SNTB1: variants seen among roughly 807,000 people sequenced by gnomAD.
SNTB1 encodes the protein syntrophin beta 1.
Under a neutral mutation model 48.9 loss-of-function variants are expected in SNTB1, and 36 were observed. The observed-to-expected ratio is 0.74, with a 90% CI of 0.56 to 0.97. The LOEUF (loss-of-function observed/expected upper bound fraction) is 0.97. SNTB1 is among the 50% of genes least tolerant of loss of function. The pLI is 0.00. For synonymous variants in SNTB1, 299 were observed against 294.6 expected (o/e 1.01, Z -0.15); for missense variants, 786 against 703.4 (o/e 1.12, Z -1.33).
At chr8:120,764,036 G>A (rs1819474063) in intron 1 of SNTB1, among the ~76,000 whole-genome samples, 1 of 152,140 alleles carries the variant, frequency 6.6e-6, no homozygotes, top group Non-Finnish European at 1.5e-5. Context: ...TGTTCTCAAA[G>A]TCATAAGGTC....
At chr8:120,543,213 A>G (rs1227448098) in intron 5 of SNTB1, among the ~76,000 whole-genome samples, 1 of 152,202 alleles carries the variant, frequency 6.6e-6, no homozygotes, top group African/African-American at 2.4e-5. Flanking sequence ...TTGATCAAAG[A>G]GTTCTGAAAA....
chr8:120,611,964 CG>C (rs1232543726), intron 3 of SNTB1, among the ~76,000 whole-genome samples: 2 of 151,872 alleles, frequency 1.3e-5, no homozygotes, highest in Non-Finnish European at 2.9e-5. Flanking sequence ...ACTTCAAGAT[CG>C]GCTCACATGT....
intron 3 of SNTB1, among the ~76,000 whole-genome samples, chr8:120,579,910 T>C (rs1816016348): frequency 6.6e-6 from 1 of 152,206 alleles, no homozygotes; most frequent in Admixed American, 6.5e-5. Flanking sequence ...TTAAAAATCA[T>C]AGCTATTTTT....
intron 1 of SNTB1, among the ~76,000 whole-genome samples, chr8:120,727,827 C>T (rs1818786277): frequency 6.6e-6 from 1 of 152,102 alleles, no homozygotes. Flanking sequence ...GACTCCAAGC[C>T]CTATGGTCTT....
At chr8:120,670,918 C>T (rs973622515) in intron 2 of SNTB1, among the ~76,000 whole-genome samples, 2 of 152,178 alleles carry the variant, frequency 1.3e-5, no homozygotes, top group Non-Finnish European at 2.9e-5. Flanking sequence ...AGCCCAGAGA[C>T]ATTAGGTAAA....
intron 1 of SNTB1, among the ~76,000 whole-genome samples, chr8:120,707,864 T>C (rs1818402125): frequency 6.6e-6 from 1 of 152,116 alleles, no homozygotes; most frequent in Non-Finnish European, 1.5e-5. Context: ...AATGAATTGC[T>C]ACTGATGCTG....
chr8:120,646,609 T>C (rs1202515702), intron 2 of SNTB1, among the ~76,000 whole-genome samples: 3 of 151,986 alleles, frequency 2.0e-5, no homozygotes, highest in African/African-American at 7.2e-5. Flanking sequence ...TCATCAAGGA[T>C]ATTGGTCTAA....
At chr8:120,808,578 C>T (rs944713819) in intron 1 of SNTB1, among the ~76,000 whole-genome samples, 1 of 152,172 alleles carries the variant, frequency 6.6e-6, no homozygotes, top group Non-Finnish European at 1.5e-5. Flanking sequence ...ATTTGATATA[C>T]GCCTTTCATT....
chr8:120,558,086 G>A (rs1004837516), intron 4 of SNTB1, among the ~76,000 whole-genome samples: 2 of 152,196 alleles, frequency 1.3e-5, no homozygotes, highest in Non-Finnish European at 2.9e-5. Context: ...TGTCTGCCTG[G>A]CTTTTTCCCA....
intron 1 of SNTB1, among the ~76,000 whole-genome samples, chr8:120,738,806 T>C (rs1161241923): frequency 6.6e-6 from 1 of 152,108 alleles, no homozygotes; most frequent in African/African-American, 2.4e-5. Context: ...TTTCTGGGGA[T>C]TTTTCTTTTT....
chr8:120,593,162 A>G (rs1326282842), intron 3 of SNTB1, among the ~76,000 whole-genome samples: 1 of 152,124 alleles, frequency 6.6e-6, no homozygotes, highest in African/African-American at 2.4e-5. Flanking sequence ...AGGGTAGATC[A>G]TGAAGAGAAC....
intron 3 of SNTB1, among the ~76,000 whole-genome samples, chr8:120,621,501 T>C (rs1252231332): frequency 6.6e-6 from 1 of 152,254 alleles, no homozygotes; most frequent in South Asian, 2.1e-4. Context: ...GAGAGTACAA[T>C]GAACAGTACA....
intron 3 of SNTB1, among the ~76,000 whole-genome samples, chr8:120,623,163 C>T (rs770844328): frequency 1.3e-5 from 2 of 152,246 alleles, no homozygotes; most frequent in Non-Finnish European, 2.9e-5. Context: ...GAGCCTCACT[C>T]AGTTGATTGC....
At chr8:120,774,382 A>G (rs1358492416) in intron 1 of SNTB1, among the ~76,000 whole-genome samples, 1 of 152,158 alleles carries the variant, frequency 6.6e-6, no homozygotes, top group Non-Finnish European at 1.5e-5. Context: ...AAGAGTGTGC[A>G]TGTGTGACTC....
intron 2 of SNTB1, among the ~76,000 whole-genome samples, chr8:120,669,547 G>A: frequency 1.1e-5 from 1 of 89,786 alleles, no homozygotes; most frequent in East Asian, 2.4e-4. Flanking sequence ...CCGCTTCCCG[G>A]GTTCACGCCA....
chr8:120,565,975 G>A (rs1465005289), intron 4 of SNTB1, among the ~76,000 whole-genome samples: 2 of 152,128 alleles, frequency 1.3e-5, no homozygotes, highest in Non-Finnish European at 1.5e-5. Flanking sequence ...TTGGGAGGCT[G>A]AGGAAGGCGG....
chr8:120,631,315 C>G (rs972679898), intron 3 of SNTB1, among the ~76,000 whole-genome samples: 53 of 152,292 alleles, frequency 3.5e-4, no homozygotes, highest in African/African-American at 1.1e-3. Flanking sequence ...CTCCTACCAC[C>G]AGCATTGTCC....
chr8:120,577,497 G>A (rs1434381074), intron 3 of SNTB1, among the ~76,000 whole-genome samples: 1 of 152,156 alleles, frequency 6.6e-6, no homozygotes, highest in Non-Finnish European at 1.5e-5. Context: ...GTTTGGGGTA[G>A]GGGGAAGGGG....
At chr8:120,588,395 C>CAA (rs796498444) in intron 3 of SNTB1, among the ~76,000 whole-genome samples, 16 of 125,276 alleles carry the variant, frequency 1.3e-4, no homozygotes, top group Admixed American at 3.9e-4. Context: ...ACCAACCAAA[C>CAA]AAAAAAAAAA....
Sources: gnomAD v4.1 joint callset for allele counts (sites outside exome capture counted in the v4.1 genomes callset) on GRCh38, gnomAD v4.1.1 for gene constraint, MANE v1.5 for transcripts, NCBI Gene and HGNC (gene_info 2026-07-23, HGNC 2026-07-21) for gene names.